PPP2R2B: variants seen among roughly 807,000 people sequenced by gnomAD.
PPP2R2B encodes the protein serine/threonine-protein phosphatase 2A 55 kDa regulatory subunit B beta isoform.
Under a neutral mutation model 46.0 loss-of-function variants are expected in PPP2R2B, and 5 were observed. That is an observed-to-expected ratio of 0.11 (90% confidence interval 0.06 to 0.23). The LOEUF (loss-of-function observed/expected upper bound fraction) is 0.23, where lower values mean the gene tolerates loss of function less well. PPP2R2B is among the 10% of genes least tolerant of loss of function. The probability of loss-of-function intolerance (pLI) is 1.00; values close to 1 mark genes in which losing one functional copy is unlikely to be tolerated. For synonymous variants in PPP2R2B, 215 were observed against 206.7 expected, an observed-to-expected ratio of 1.04 and a Z score of -0.34; for missense variants, 367 against 575.0, an observed-to-expected ratio of 0.64 and a Z score of 3.70.
intron 1 of PPP2R2B, among the ~76,000 whole-genome samples, chr5:146,920,407 T>C (rs762803268): frequency 6.6e-6 from 1 of 152,166 alleles, no homozygotes; most frequent in African/African-American, 2.4e-5. Context: ...CTGTCAACCA[T>C]GGGCCGTGCA....
At chr5:146,591,815 G>A (rs948040495) in intron 9 of PPP2R2B, among the ~76,000 whole-genome samples, 2 of 152,070 alleles carry the variant, frequency 1.3e-5, no homozygotes, top group Non-Finnish European at 2.9e-5. Context: ...TACTTTATGA[G>A]GTTGGGCAGA....
intron 1 of PPP2R2B, among the ~76,000 whole-genome samples, chr5:147,001,565 G>C (rs192106053): frequency 6.6e-6 from 1 of 152,156 alleles, no homozygotes; most frequent in Non-Finnish European, 1.5e-5. Context: ...AACACTCACT[G>C]TGAGGCTCTG....
chr5:146,581,858 C>G lies in PPP2R2B; in HGVS notation c.*8089G>C, dbSNP rs1769911543. On this transcript the variant is annotated 3_prime_UTR_variant, in exon 10 of 10. Coordinates refer to ENST00000394411, the MANE Select transcript of PPP2R2B (RefSeq NM_181675.4). ...GCATTTGGAGTTGAAAACCAATGGTCTAGATGAAATATGACTTTCAATTAT... is the reference window on the plus strand; with the variant it reads ...GCATTTGGAGTTGAAAACCAATGGTGTAGATGAAATATGACTTTCAATTAT... 1 of 152,162 alleles carries G rather than the reference C, an allele frequency of 6.6e-6. No individual in the cohort carries two copies. Among genetic ancestry groups the G allele is most frequent in the South Asian group, 2.1e-4 (1 of 4,828 alleles). 9.4% of individuals were successfully genotyped at this position (152,162 alleles called of 1,614,324 possible). A position where few individuals can be genotyped will look rare whatever the true frequency, so the allele number is the denominator to read the frequency against.
chr5:147,020,509 T>G (rs563243063), intron 1 of PPP2R2B, among the ~76,000 whole-genome samples: 1 of 152,114 alleles, frequency 6.6e-6, no homozygotes, highest in South Asian at 2.1e-4. Context: ...GGGGTTGCAT[T>G]AAAGAAGATA....
chr5:146,696,926 C>T (rs559605108), intron 4 of PPP2R2B, among the ~76,000 whole-genome samples: 1 of 152,246 alleles, frequency 6.6e-6, no homozygotes, highest in African/African-American at 2.4e-5. Flanking sequence ...ACAAAAGGAA[C>T]AAATTGACAA....
intron 2 of PPP2R2B, among the ~76,000 whole-genome samples, chr5:146,828,324 A>G (rs1422814462): frequency 6.6e-6 from 1 of 152,012 alleles, no homozygotes; most frequent in African/African-American, 2.4e-5. Context: ...ACTCAGATCC[A>G]TTTAACATCA....
rs1775890401 is a variant in PPP2R2B at position 146,650,650 on chromosome 5, A to G, written c.522T>C (p.Tyr174=). The G allele has an allele frequency of 6.2e-7, 1 of 1,613,916 alleles. No homozygotes were observed. The highest frequency in any genetic ancestry group is 8.5e-7 in the Non-Finnish European group (1 of 1,179,976). ...PRRVFANAHT[Y]HINSISVNSD... ...TGTTGACAGATATGGAGTTGATGTG[A>G]TATGTGTGTGCGTTGGCAAATACTC... is the stretch of plus-strand genomic sequence containing the variant. The change falls in exon 6 of 10, where the codon TAT becomes TAC. Residue 174 remains tyrosine (Y), a synonymous_variant. Transcript: ENST00000394411.
At chr5:146,886,407 A>G (rs1202077956) in intron 1 of PPP2R2B, among the ~76,000 whole-genome samples, 1 of 144,338 alleles carries the variant, frequency 6.9e-6, no homozygotes, top group African/African-American at 2.5e-5. Context: ...TTGGAGCAAT[A>G]GCTACGCAAC....
intron 1 of PPP2R2B, among the ~76,000 whole-genome samples, chr5:146,995,111 C>A (rs1753866553): frequency 6.6e-6 from 1 of 152,268 alleles, no homozygotes; most frequent in Non-Finnish European, 1.5e-5. Flanking sequence ...AAAATAATCT[C>A]CATCTTCATC....
intron 1 of PPP2R2B, among the ~76,000 whole-genome samples, chr5:146,934,024 T>C (rs558422948): frequency 6.6e-6 from 1 of 152,288 alleles, no homozygotes; most frequent in African/African-American, 2.4e-5. Context: ...TCGTTTTTTA[T>C]GGCTGCATAG....
chr5:146,769,603 T>G (rs1754714411), intron 2 of PPP2R2B, among the ~76,000 whole-genome samples: 1 of 152,220 alleles, frequency 6.6e-6, no homozygotes, highest in Non-Finnish European at 1.5e-5. Flanking sequence ...GGAACATATC[T>G]TGGAAAATAC....
intron 2 of PPP2R2B, among the ~76,000 whole-genome samples, chr5:146,711,746 C>G (rs1780222019): frequency 6.6e-6 from 1 of 152,206 alleles, no homozygotes; most frequent in Non-Finnish European, 1.5e-5. Context: ...AATAAACAAA[C>G]ACTACTGGTA....
At chr5:146,912,414 A>G (rs185855209) in intron 1 of PPP2R2B, among the ~76,000 whole-genome samples, 89 of 152,214 alleles carry the variant, frequency 5.8e-4, no homozygotes, top group Non-Finnish European at 9.7e-4. Flanking sequence ...GAGAGTGAGC[A>G]TTCTGAAAGA....
chr5:147,016,579 A>G (rs1359900638), intron 1 of PPP2R2B, among the ~76,000 whole-genome samples: 8 of 151,890 alleles, frequency 5.3e-5, no homozygotes, highest in Non-Finnish European at 1.0e-4. Flanking sequence ...ATACAGATAC[A>G]TTGTGGAATC....
intron 1 of PPP2R2B, among the ~76,000 whole-genome samples, chr5:146,951,913 C>A (rs1751628208): frequency 1.3e-5 from 2 of 150,402 alleles, no homozygotes; most frequent in Admixed American, 6.6e-5. Flanking sequence ...GTTTCTGGTT[C>A]TAAATCTTTG....
At chr5:146,983,396 G>A (rs540189982) in intron 1 of PPP2R2B, among the ~76,000 whole-genome samples, 1 of 152,062 alleles carries the variant, frequency 6.6e-6, no homozygotes, top group Admixed American at 6.5e-5. Flanking sequence ...TAGCCAGGAT[G>A]GTCTTGATCT....
intron 7 of PPP2R2B, among the ~76,000 whole-genome samples, chr5:146,618,310 C>A (rs1773389479): frequency 1.3e-5 from 2 of 152,172 alleles, no homozygotes; most frequent in African/African-American, 4.8e-5. Context: ...AGGCAGGCAG[C>A]CTCTCGAAGC....
intron 7 of PPP2R2B, among the ~76,000 whole-genome samples, chr5:146,632,072 CG>C (rs1433538742): frequency 7.5e-6 from 1 of 133,842 alleles, no homozygotes; most frequent in Non-Finnish European, 1.6e-5. Flanking sequence ...CCCCCCCCCC[CG>C]CCCATTCATA....
At chr5:146,839,190 CTCAAG>C (rs1237286706) in intron 2 of PPP2R2B, among the ~76,000 whole-genome samples, 8 of 152,270 alleles carry the variant, frequency 5.3e-5, no homozygotes, top group African/African-American at 1.9e-4. Flanking sequence ...TTATGCAATA[CTCAAG>C]TCAAATACAT....
Sources: gnomAD v4.1 joint callset for allele counts (sites outside exome capture counted in the v4.1 genomes callset) on GRCh38, gnomAD v4.1.1 for gene constraint, MANE v1.5 for transcripts, NCBI Gene and HGNC (gene_info 2026-07-23, HGNC 2026-07-21) for gene names.